LRRC71: variants seen among roughly 807,000 people sequenced by gnomAD.
The protein encoded by LRRC71 is leucine rich repeat containing 71, also known as leucine-rich repeat-containing protein 71.
LRRC71 carries 54 observed loss-of-function variants against 66.6 expected under a neutral mutation model. The ratio of observed to expected loss-of-function variants is 0.81; its 90% confidence interval spans 0.65 to 1.02. The LOEUF (loss-of-function observed/expected upper bound fraction) is 1.02, where lower values mean the gene tolerates loss of function less well. Ranked by LOEUF, LRRC71 falls within the 50% of genes least tolerant of loss-of-function variation. The pLI is 0.00. For synonymous variants in LRRC71, 323 were observed against 303.9 expected (o/e 1.06, Z -0.65); for missense variants, 724 against 718.0 (o/e 1.01, Z -0.10).
chr1:156,928,382 T>TCTTCTTCTTCTTCTTCTTCTTCTTCTC, intron 9 of LRRC71, among the ~76,000 whole-genome samples: 1 of 134,592 alleles, frequency 7.4e-6, no homozygotes, highest in East Asian at 2.3e-4. Context: ...TTCTTCTTCT[T>TCTTCTTCTTCTTCTTCTTCTTCTTCTC]CTTCTTCTTC....
chr1:156,937,563 T>G (rs1655740711), downstream of LRRC71: 1 of 1,475,590 alleles, frequency 6.8e-7, no homozygotes, highest in Non-Finnish European at 9.1e-7. Context: ...CTCCCGTTCC[T>G]GTGGGATTCC....
chr1:156,927,013 T>G (rs1653302436), intron 5 of LRRC71, among the ~76,000 whole-genome samples, 189 bp from the exon 6 acceptor site: 1 of 152,208 alleles, frequency 6.6e-6, no homozygotes, highest in South Asian at 2.1e-4. Context: ...TGGGGAGCAG[T>G]CCCTTCACAA....
In LRRC71 at chr1:156,927,492, C is replaced by T; in HGVS notation, c.663-4C>T. 1 of 1,525,222 alleles carries T rather than the reference C, an allele frequency of 6.6e-7. No individual in the cohort carries two copies. Among genetic ancestry groups the T allele is most frequent in the Non-Finnish European group, 8.8e-7 (1 of 1,137,064 alleles). The allele number at this position is 1,525,222 out of a possible 1,614,324, so 94.5% of individuals were successfully genotyped here. A position where few individuals can be genotyped will look rare whatever the true frequency, so the allele number is the denominator to read the frequency against. Reference sequence around the variant, plus strand: ...GACCCACATTCTCCCTCCGGCTGCCCCAGGATTGCGCACTTGTCTCTGCGG... The same window carrying T: ...GACCCACATTCTCCCTCCGGCTGCCTCAGGATTGCGCACTTGTCTCTGCGG... On this transcript the variant is annotated splice_region_variant and splice_polypyrimidine_tract_variant and intron_variant, in intron 6 of 14. Coordinates refer to ENST00000337428, the MANE Select transcript of LRRC71 (RefSeq NM_144702.3).
At chr1:156,932,186 G>A in intron 13 of LRRC71, 159 bp downstream of exon 13, 1 of 695,196 alleles carries the variant, frequency 1.4e-6, no homozygotes, top group Non-Finnish European at 2.5e-6. Context: ...AGGGGCCAGA[G>A]GAAGTGCTGA....
chr1:156,930,503 C>A, intron 11 of LRRC71, 26 bp from the exon 12 acceptor site: 1 of 1,541,908 alleles, frequency 6.5e-7, no homozygotes, highest in Non-Finnish European at 8.8e-7. Flanking sequence ...GTGCACTGTG[C>A]ATTCTGGCTC....
chr1:156,937,510 A>G, downstream of LRRC71: 1 of 1,513,224 alleles, frequency 6.6e-7, no homozygotes, highest in Non-Finnish European at 8.8e-7. Flanking sequence ...TCCCCACAGT[A>G]AGAGAATGAG....
chr1:156,931,540 C>T (rs1654366232), intron 12 of LRRC71, among the ~76,000 whole-genome samples: 1 of 152,162 alleles, frequency 6.6e-6, no homozygotes, highest in African/African-American at 2.4e-5. Flanking sequence ...AATCTGAATG[C>T]GACATACTGT....
At chr1:156,940,364 C>T in the LRRC71 span, 27 of 1,613,716 alleles carry the variant, frequency 1.7e-5, no homozygotes, top group South Asian at 1.6e-4. Flanking sequence ...CACTGCCCTC[C>T]TGCTCAGGGT....
intron 1 of LRRC71, among the ~76,000 whole-genome samples, chr1:156,922,009 C>A (rs1652469861): frequency 6.6e-6 from 1 of 151,934 alleles, no homozygotes; most frequent in Non-Finnish European, 1.5e-5. Context: ...GGACTGGGCA[C>A]TGGGTGGGAG....
downstream of LRRC71, among the ~76,000 whole-genome samples, chr1:156,936,480 G>GAAAAAAAAAAAAAAAA (rs35863393): frequency 2.1e-5 from 1 of 48,022 alleles, no homozygotes; most frequent in African/African-American, 1.2e-4. Flanking sequence ...CAAATAAATA[G>GAAAAAAAAAAAAAAAA]AAAAAAAAAA....
In LRRC71 at chr1:156,930,607, T is replaced by C. The variant is rs760396444; in HGVS notation, c.1319T>C (p.Leu440Pro). Residue 440 changes from leucine to proline, a missense_variant, in exon 12 of 15, where the codon CTG becomes CCG. By Grantham distance (98) the Leu-to-Pro change is moderately conservative. Coordinates refer to ENST00000337428, the MANE Select transcript of LRRC71 (RefSeq NM_144702.3). ...IGSREKRSIL[L>P]ESELVVEATE... ...AGCAGAGAGAAGCGCAGCATCCTCC[T>C]GGAGTCCGAGGTAAGTTGCCAGGAG... 1 of 1,562,668 alleles carries C rather than the reference T, an allele frequency of 6.4e-7. No homozygotes were observed. Among genetic ancestry groups the C allele is most frequent in the South Asian group, 1.2e-5 (1 of 84,576 alleles).
At position 156,924,413 on chromosome 1, in the gene LRRC71, C is replaced by T. The variant is rs1652877143; in HGVS notation, c.311-11C>T. 6.5e-7 allele frequency: 1 copy of T among 1,549,216 alleles called. No homozygotes were observed. The highest frequency in any genetic ancestry group is 1.2e-5 in the South Asian group (1 of 84,038). ...TGGCTGTTCCCCTCCCTCCTCACCT[C>T]TGCCTTCCAGACGATCCGCGGCTGT... On this transcript the variant is annotated splice_polypyrimidine_tract_variant and intron_variant, in intron 2 of 14. Coordinates refer to ENST00000337428, the MANE Select transcript of LRRC71 (RefSeq NM_144702.3).
intron 1 of LRRC71, among the ~76,000 whole-genome samples, chr1:156,922,552 A>G: frequency 6.6e-6 from 1 of 152,222 alleles, no homozygotes; most frequent in Admixed American, 6.5e-5. Context: ...AGTGAGCATA[A>G]GAAAGGGGTG....
intron 5 of LRRC71, among the ~76,000 whole-genome samples, chr1:156,926,445 G>A (rs1653208181): frequency 6.6e-6 from 1 of 152,178 alleles, no homozygotes; most frequent in Non-Finnish European, 1.5e-5. Flanking sequence ...CCAGCTGAGA[G>A]AGTGCCAGAG....
chr1:156,936,412 A>C (rs1655128654), downstream of LRRC71, among the ~76,000 whole-genome samples: 1 of 146,708 alleles, frequency 6.8e-6, no homozygotes, highest in African/African-American at 2.6e-5. Context: ...TGGGTGGATC[A>C]CTTCGGCCCA....
chr1:156,920,751 T>G lies in LRRC71; in HGVS notation c.-53T>G. The G allele has an allele frequency of 5.5e-6, 8 of 1,447,922 alleles. No homozygotes were observed. Among genetic ancestry groups the G allele is most frequent in the Non-Finnish European group, 7.3e-6 (8 of 1,097,334 alleles). The allele number at this position is 1,447,922 out of a possible 1,614,324, so 89.7% of individuals were successfully genotyped here. A position where few individuals can be genotyped will look rare whatever the true frequency, so the allele number is the denominator to read the frequency against. ...CCAGACTGAGCCCCGTAGAGTGCGT[T>G]CTTACCTTCCTGCCCCGACGAAGGT... is the stretch of plus-strand genomic sequence containing the variant. On this transcript the variant is annotated 5_prime_UTR_variant, in exon 1 of 15. Coordinates refer to ENST00000337428, the MANE Select transcript of LRRC71 (RefSeq NM_144702.3). This position sits in a 1 kb window ranked among gnomAD's most constrained non-coding sequence, Gnocchi z 4.9.
downstream of LRRC71, among the ~76,000 whole-genome samples, chr1:156,936,493 A>T (rs1190701067): frequency 3.6e-3 from 224 of 62,372 alleles, 7 homozygotes; most frequent in African/African-American, 0.014. Flanking sequence ...AAAAAAAAAA[A>T]AAAAATATAT....
chr1:156,939,914 G>A, the LRRC71 span: 2 of 1,600,778 alleles, frequency 1.2e-6, no homozygotes, highest in Non-Finnish European at 1.7e-6. Context: ...TTCTCCACTG[G>A]AGGGGAAACA....
chr1:156,920,813 G>A lies in LRRC71; in HGVS notation c.10G>A (p.Glu4Lys), dbSNP rs1652238421. 2.0e-6 allele frequency: 3 copies of A among 1,525,608 alleles called. No homozygotes were observed. Among genetic ancestry groups the A allele is most frequent in the Admixed American group, 2.1e-5 (1 of 47,520 alleles). The allele number at this position is 1,525,608 out of a possible 1,614,324, so 94.5% of individuals were successfully genotyped here. MSS[E>K]QSAPGASPRA... Reference sequence around the variant, plus strand: ...TGCGGACAACACCAGCATGTCGAGCGAGCAGAGCGCGCCGGGGGCCTCACC... The same window carrying A: ...TGCGGACAACACCAGCATGTCGAGCAAGCAGAGCGCGCCGGGGGCCTCACC... The change falls in exon 1 of 15, where the codon GAG becomes AAG. Residue 4 changes from glutamate to lysine, a missense_variant. By Grantham distance (56) the Glu-to-Lys change is moderately conservative. Transcript: ENST00000337428. The surrounding 1 kb of genome is among the most constrained non-coding windows in gnomAD (Gnocchi z 4.9).
Sources: gnomAD v4.1 joint callset for allele counts (sites outside exome capture counted in the v4.1 genomes callset) on GRCh38, gnomAD v4.1.1 for gene constraint, Gnocchi (gnomAD v3.1) non-coding constraint, MANE v1.5 for transcripts, NCBI Gene and HGNC (gene_info 2026-07-23, HGNC 2026-07-21) for gene names.